NFIC: variants seen among roughly 807,000 people sequenced by gnomAD.
The protein encoded by NFIC is nuclear factor 1 C-type.
Under a neutral mutation model 54.4 loss-of-function variants are expected in NFIC, and 12 were observed. The ratio of observed to expected loss-of-function variants is 0.22; its 90% CI spans 0.14 to 0.36. The LOEUF (loss-of-function observed/expected upper bound fraction) is 0.36, where lower values mean the gene tolerates loss of function less well. Among genes scored for constraint, NFIC ranks in the 10% least tolerant of loss-of-function variants. NFIC has a pLI of 1.00. For synonymous variants in NFIC, 322 were observed against 319.2 expected, an observed-to-expected ratio of 1.01 and a Z score of -0.09; for missense variants, 575 against 718.2, an observed-to-expected ratio of 0.80 and a Z score of 2.28.
intron 2 of NFIC, among the ~76,000 whole-genome samples, chr19:3,423,657 T>C (rs988278824): frequency 3.3e-5 from 5 of 152,020 alleles, no homozygotes; most frequent in Admixed American, 6.6e-5. Flanking sequence ...CCGATAACGC[T>C]GAGCTCAGCG....
intron 6 of NFIC, among the ~76,000 whole-genome samples, chr19:3,446,866 T>TA (rs1026189548): frequency 1.4e-3 from 207 of 148,778 alleles, no homozygotes; most frequent in Non-Finnish European, 2.2e-3. Flanking sequence ...ACCCCATCTC[T>TA]AAAAAAAAAA....
chr19:3,459,039 A>T lies in NFIC; in HGVS notation c.1509+2404A>T, dbSNP rs1404271918. On this transcript the variant is annotated intron_variant, in intron 10 of 10. Coordinates refer to ENST00000443272, the MANE Select transcript of NFIC (RefSeq NM_001245002.2). The surrounding 1 kb of genome is among the most constrained non-coding windows in gnomAD (Gnocchi z 4.2). ...GGAGAGAGGGAGGGAAGAAGCAGTG[A>T]GATCCCGCTCTCCCCTCTCCCAGCT... is the stretch of plus-strand genomic sequence containing the variant. Among the ~76,000 whole-genome samples, 2 of 152,016 alleles carry T rather than the reference A, an allele frequency of 1.3e-5. No individual in the cohort carries two copies. Among genetic ancestry groups the T allele is most frequent in the African/African-American group, 4.8e-5 (2 of 41,366 alleles).
At chr19:3,428,622 G>C (rs1205234244) in intron 3 of NFIC, among the ~76,000 whole-genome samples, 2 of 152,096 alleles carry the variant, frequency 1.3e-5, no homozygotes, top group Non-Finnish European at 2.9e-5. Context: ...TGTGACCCGG[G>C]TCCTCCGCGG....
At chr19:3,442,562 T>G (rs542208060) in intron 6 of NFIC, among the ~76,000 whole-genome samples, 2 of 152,044 alleles carry the variant, frequency 1.3e-5, no homozygotes, top group South Asian at 4.1e-4. Flanking sequence ...AATTTGTGTA[T>G]TTTTAGTAGA....
chr19:3,384,089 C>CT (rs1452845154), intron 2 of NFIC, among the ~76,000 whole-genome samples: 3 of 147,294 alleles, frequency 2.0e-5, no homozygotes, highest in Middle Eastern at 3.5e-3. Flanking sequence ...GGGTCTCGCT[C>CT]TGTCACCCAC....
intron 10 of NFIC, chr19:3,457,863 G>T (rs1251342152): frequency 6.6e-6 from 1 of 152,336 alleles, no homozygotes; most frequent in Admixed American, 6.5e-5. Flanking sequence ...CCTGTAAGCG[G>T]CCCCTCCCTC....
At chr19:3,448,165 T>C (rs939113291) in intron 6 of NFIC, among the ~76,000 whole-genome samples, 10 of 152,170 alleles carry the variant, frequency 6.6e-5, no homozygotes, top group Non-Finnish European at 1.3e-4. Context: ...CTCTGCCTCC[T>C]GGGTTCAAGC....
At chr19:3,394,471 C>CT (rs2081425328) in intron 2 of NFIC, among the ~76,000 whole-genome samples, 1 of 141,904 alleles carries the variant, frequency 7.0e-6, no homozygotes, top group African/African-American at 2.9e-5. Context: ...CAGAGCAAGA[C>CT]TTCAACTCAA....
chr19:3,365,641 T>C (rs3810421), upstream of NFIC, among the ~76,000 whole-genome samples: 41,219 of 152,072 alleles, frequency 0.27, 6,909 homozygotes, highest in Admixed American at 0.41. Context: ...TTGAGATCTG[T>C]GAAAAGGGCA....
chr19:3,401,640 C>T lies in NFIC; in HGVS notation c.562+19397C>T, dbSNP rs569061019. The stretch of plus-strand genomic sequence containing the variant: ...AAGCTGGGATATGGGTCCTGGTGCC[C>T]GGGAGGCCCGTGGGGCTCTGGGCTC... On this transcript the variant is annotated intron_variant, in intron 2 of 10. Transcript: ENST00000443272. Among the ~76,000 whole-genome samples the T allele has an allele frequency of 6.8e-4, 104 of 152,212 alleles. 1 individual carries two copies. Among genetic ancestry groups the T allele is most frequent in the African/African-American group, 2.4e-3 (100 of 41,534 alleles).
At chr19:3,398,896 G>A (rs1568421586) in intron 2 of NFIC, among the ~76,000 whole-genome samples, 4 of 152,216 alleles carry the variant, frequency 2.6e-5, no homozygotes, top group Admixed American at 2.6e-4. Flanking sequence ...ATTCATAGGC[G>A]AGCTGCGGAC....
chr19:3,375,520 C>T lies in NFIC; in HGVS notation c.31-6192C>T, dbSNP rs751869540. Among the ~76,000 whole-genome samples the T allele has an allele frequency of 6.6e-6, 1 of 152,202 alleles. No homozygotes were observed. Among genetic ancestry groups the T allele is most frequent in the Non-Finnish European group, 1.5e-5 (1 of 68,034 alleles). On this transcript the variant is annotated intron_variant, in intron 1 of 10. Transcript: ENST00000443272. The surrounding 1 kb of genome is among the most constrained non-coding windows in gnomAD (Gnocchi z 4.6). The stretch of plus-strand genomic sequence containing the variant: ...GGACGAGATTGGACAGGGCCTGGGC[C>T]GGGCCCCCTCCACCTCCCCTTTGCC...
chr19:3,453,697 C>T lies in NFIC; in HGVS notation c.1270-66C>T, dbSNP rs939016334. ...GGCCGTGCACAGAGCCGGGGGCGGCCGGCGCCAGCAGCCCGAGGTAGAGGG... is the reference window on the plus strand; with the variant it reads ...GGCCGTGCACAGAGCCGGGGGCGGCTGGCGCCAGCAGCCCGAGGTAGAGGG... On this transcript the variant is annotated intron_variant, in intron 8 of 10. Coordinates refer to ENST00000443272, the MANE Select transcript of NFIC (RefSeq NM_001245002.2). This position sits in a 1 kb window ranked among gnomAD's most constrained non-coding sequence, Gnocchi z 6.7. The T allele has an allele frequency of 1.4e-5, 21 of 1,523,658 alleles. 1 individual carries two copies. The South Asian group carries it at 2.5e-4, about 18-fold the overall frequency. 94.4% of individuals were successfully genotyped at this position (1,523,658 alleles called of 1,614,324 possible).
At chr19:3,397,471 C>T (rs2081482917) in intron 2 of NFIC, among the ~76,000 whole-genome samples, 2 of 152,190 alleles carry the variant, frequency 1.3e-5, no homozygotes, top group Admixed American at 1.3e-4. Context: ...AGGTCTCAAA[C>T]CCCTGGACCT....
chr19:3,446,215 C>T (rs534010501), intron 6 of NFIC, among the ~76,000 whole-genome samples: 4 of 152,332 alleles, frequency 2.6e-5, no homozygotes, highest in Middle Eastern at 3.4e-3. Context: ...CTCCTCACTC[C>T]GTGTGGATTT....
intron 1 of NFIC, among the ~76,000 whole-genome samples, chr19:3,377,659 T>C (rs1218156099): frequency 1.3e-5 from 2 of 152,130 alleles, no homozygotes; most frequent in African/African-American, 2.4e-5. Flanking sequence ...TCCCCCAGGC[T>C]GGAGTGCAGT....
intron 10 of NFIC, 24 bp downstream of exon 10, chr19:3,456,659 T>A (rs911710274): frequency 1.3e-6 from 1 of 745,412 alleles, no homozygotes; most frequent in Non-Finnish European, 2.1e-6. Flanking sequence ...GGCCGGCTGG[T>A]GGGGTGGGAG....
chr19:3,386,556 C>G (rs1483847034), intron 2 of NFIC, among the ~76,000 whole-genome samples: 3 of 151,966 alleles, frequency 2.0e-5, no homozygotes, highest in Non-Finnish European at 4.4e-5. Context: ...CTCATGGCCT[C>G]AAGTGATCCG....
intron 2 of NFIC, among the ~76,000 whole-genome samples, chr19:3,417,586 G>A (rs933100856): frequency 1.3e-5 from 2 of 151,722 alleles, no homozygotes; most frequent in South Asian, 2.1e-4. Context: ...TACTAAGTAG[G>A]TGGAGGAGGA....
Sources: gnomAD v4.1 joint callset for allele counts (sites outside exome capture counted in the v4.1 genomes callset) on GRCh38, gnomAD v4.1.1 for gene constraint, Gnocchi (gnomAD v3.1) non-coding constraint, MANE v1.5 for transcripts, NCBI Gene and HGNC (gene_info 2026-07-23, HGNC 2026-07-21) for gene names.